HS3ST2: variants seen among roughly 807,000 people sequenced by gnomAD.
HS3ST2 encodes the protein heparan sulfate glucosamine 3-O-sulfotransferase 2.
A neutral mutation model predicts 26.3 loss-of-function variants in HS3ST2; 17 were observed. The ratio of observed to expected loss-of-function variants is 0.65; its 90% CI spans 0.44 to 0.97. The LOEUF is 0.97. Among genes scored for constraint, HS3ST2 ranks in the 50% least tolerant of loss-of-function variants. HS3ST2 has a pLI of 0.00. For missense variants in HS3ST2, 402 were observed against 501.2 expected, an observed-to-expected ratio of 0.80 and a Z score of 1.89; for synonymous variants, 237 against 219.2, an observed-to-expected ratio of 1.08 and a Z score of -0.72.
intron 1 of HS3ST2, among the ~76,000 whole-genome samples, chr16:22,880,019 G>A (rs1240324816): frequency 6.6e-6 from 1 of 152,170 alleles, no homozygotes; most frequent in African/African-American, 2.4e-5. Flanking sequence ...CTCAGCCTCT[G>A]GGACTATTGA....
At chr16:22,856,712 G>C (rs766200906) in intron 1 of HS3ST2, among the ~76,000 whole-genome samples, 1 of 152,124 alleles carries the variant, frequency 6.6e-6, no homozygotes, top group Non-Finnish European at 1.5e-5. Flanking sequence ...TTCAGTAGCT[G>C]ATGTGTCCAT....
chr16:22,841,124 C>T (rs376279029), intron 1 of HS3ST2, among the ~76,000 whole-genome samples: 26 of 152,118 alleles, frequency 1.7e-4, no homozygotes, highest in East Asian at 1.4e-3. Flanking sequence ...TGCAATGGCG[C>T]GATCTCAGCT....
At chr16:22,911,326 G>A (rs1902422832) in intron 1 of HS3ST2, among the ~76,000 whole-genome samples, 1 of 152,160 alleles carries the variant, frequency 6.6e-6, no homozygotes, top group South Asian at 2.1e-4. Flanking sequence ...TACAGAGAAG[G>A]TATGGAATAA....
intron 1 of HS3ST2, among the ~76,000 whole-genome samples, chr16:22,846,054 G>A (rs902055979): frequency 2.6e-5 from 4 of 152,188 alleles, no homozygotes; most frequent in Non-Finnish European, 4.4e-5. Flanking sequence ...AAGGCAGGTG[G>A]ATCACCTGAG....
intron 1 of HS3ST2, among the ~76,000 whole-genome samples, chr16:22,824,534 G>T (rs917435901): frequency 6.6e-6 from 1 of 151,268 alleles, no homozygotes; most frequent in African/African-American, 2.4e-5. Flanking sequence ...GTGACAGGGC[G>T]AGACTCCGCC....
At chr16:22,887,070 A>G (rs956044376) in intron 1 of HS3ST2, among the ~76,000 whole-genome samples, 1 of 152,142 alleles carries the variant, frequency 6.6e-6, no homozygotes, top group Non-Finnish European at 1.5e-5. Context: ...CTTTTAAATT[A>G]TGAGTCACAA....
At chr16:22,858,678 C>T (rs970464195) in intron 1 of HS3ST2, among the ~76,000 whole-genome samples, 4 of 151,966 alleles carry the variant, frequency 2.6e-5, no homozygotes, top group Non-Finnish European at 4.4e-5. Context: ...GGGTTCAAGT[C>T]CCAGCTTTGT....
chr16:22,879,481 G>A lies in HS3ST2; in HGVS notation c.486-35463G>A, dbSNP rs555827145. Among the ~76,000 whole-genome samples, 5 of 152,298 alleles carry A rather than the reference G, an allele frequency of 3.3e-5. No individual in the cohort carries two copies. The East Asian group carries it at 5.8e-4, about 18-fold the overall frequency. ...CCTTGGAAGGATAAAGGCAGAGGGT[G>A]GATGGGGTGGGGGTGATGAGCACAC... On this transcript the variant is annotated intron_variant, in intron 1 of 1. Transcript: ENST00000261374.
chr16:22,868,333 C>T (rs1394757531), intron 1 of HS3ST2, among the ~76,000 whole-genome samples: 16 of 144,702 alleles, frequency 1.1e-4, no homozygotes, highest in African/African-American at 3.6e-4. Context: ...TGCTTGAACC[C>T]GGGAAGCGGA....
intron 1 of HS3ST2, among the ~76,000 whole-genome samples, chr16:22,820,897 A>G (rs2141174442): frequency 6.6e-6 from 1 of 152,330 alleles, no homozygotes; most frequent in African/African-American, 2.4e-5. Flanking sequence ...TGAAATTAGC[A>G]TGTATCTTAT....
chr16:22,822,052 T>A (rs1323466117), intron 1 of HS3ST2, among the ~76,000 whole-genome samples: 1 of 152,156 alleles, frequency 6.6e-6, no homozygotes, highest in Non-Finnish European at 1.5e-5. Context: ...GTGTCTGCTC[T>A]AGGTGGAGGC....
In HS3ST2 at chr16:22,847,810, G is replaced by T. The variant is rs1282893472; in HGVS notation, c.485+32715G>T. 2.0e-5 allele frequency among the ~76,000 whole-genome samples: 3 copies of T among 148,838 alleles called. No individual in the cohort carries two copies. In the East Asian group the frequency reaches 5.9e-4, roughly 29 times the overall value. On this transcript the variant is annotated intron_variant, in intron 1 of 1. Coordinates refer to ENST00000261374, the MANE Select transcript of HS3ST2 (RefSeq NM_006043.2). The stretch of plus-strand genomic sequence containing the variant: ...AGAAGAATAAGAAAGAGGAGAAGGA[G>T]GAGGAGGAGAAGAAAGAAAAAAATA...
intron 1 of HS3ST2, among the ~76,000 whole-genome samples, chr16:22,901,600 G>A (rs369484536): frequency 9.2e-5 from 14 of 152,334 alleles, no homozygotes; most frequent in African/African-American, 3.4e-4. Context: ...CCTCCAGATA[G>A]TGTCCCACGG....
intron 1 of HS3ST2, among the ~76,000 whole-genome samples, chr16:22,869,067 T>C (rs1901796038): frequency 6.6e-6 from 1 of 151,450 alleles, no homozygotes; most frequent in African/African-American, 2.4e-5. Flanking sequence ...TCCTAACAGG[T>C]ACTAAACAAG....
chr16:22,897,297 G>T (rs912542984), intron 1 of HS3ST2, among the ~76,000 whole-genome samples: 1 of 152,142 alleles, frequency 6.6e-6, no homozygotes, highest in African/African-American at 2.4e-5. Context: ...AGGGCAGCAA[G>T]TACTACATCT....
chr16:22,884,768 C>T (rs549764461), intron 1 of HS3ST2, among the ~76,000 whole-genome samples: 7 of 149,366 alleles, frequency 4.7e-5, no homozygotes, highest in Non-Finnish European at 8.9e-5. Context: ...TCTTGACCAT[C>T]ACTCCTTTTG....
chr16:22,868,405 CAAAAA>C (rs77630354), intron 1 of HS3ST2, among the ~76,000 whole-genome samples: 75 of 43,500 alleles, frequency 1.7e-3, no homozygotes, highest in African/African-American at 5.1e-3. Context: ...AAGACTCCAT[CAAAAA>C]AAAAAAAAAA....
intron 1 of HS3ST2, among the ~76,000 whole-genome samples, chr16:22,823,378 T>A (rs1314086701): frequency 6.6e-6 from 1 of 152,176 alleles, no homozygotes; most frequent in East Asian, 1.9e-4. Context: ...AGATAATACA[T>A]CTCACTGTGT....
rs147232848 is a variant in HS3ST2 at position 22,865,028 on chromosome 16, G to A, written c.486-49916G>A. On this transcript the variant is annotated intron_variant, in intron 1 of 1. Transcript: ENST00000261374. ...ACCCTGCCACTGCACTCCAGCCTGGGTGACGAGTAAGACCCTATCTCAAAA... is the reference window on the plus strand; with the variant it reads ...ACCCTGCCACTGCACTCCAGCCTGGATGACGAGTAAGACCCTATCTCAAAA... Among the ~76,000 whole-genome samples the A allele has an allele frequency of 2.2e-4, 32 of 142,886 alleles. No individual in the cohort carries two copies. In the East Asian group the frequency reaches 6.5e-3, roughly 29 times the overall value. The allele number at this position is 142,886 out of a possible 152,430, so 93.7% of individuals were successfully genotyped here.
Sources: gnomAD v4.1 joint callset for allele counts (sites outside exome capture counted in the v4.1 genomes callset) on GRCh38, gnomAD v4.1.1 for gene constraint, MANE v1.5 for transcripts, NCBI Gene and HGNC (gene_info 2026-07-23, HGNC 2026-07-21) for gene names.